CPA6: variants seen among roughly 807,000 people sequenced by gnomAD.
CPA6 encodes carboxypeptidase B.
In CPA6, 58 loss-of-function variants were observed where a neutral mutation model predicts 63.3. The ratio of observed to expected loss-of-function variants is 0.92; its 90% CI spans 0.74 to 1.14. The LOEUF is 1.14. Among genes scored for constraint, CPA6 ranks in the 50% most tolerant of loss-of-function variants. The probability of loss-of-function intolerance (pLI) is 0.00; values close to 1 mark genes in which losing one functional copy is unlikely to be tolerated. For missense variants in CPA6, 565 were observed against 526.6 expected (o/e 1.07, Z -0.71); for synonymous variants, 185 against 179.0 (o/e 1.03, Z -0.27).
At chr8:67,537,650 T>C (rs919665889) in intron 2 of CPA6, among the ~76,000 whole-genome samples, 2 of 152,328 alleles carry the variant, frequency 1.3e-5, no homozygotes, top group African/African-American at 4.8e-5. Flanking sequence ...CCTGGATTCA[T>C]TGATTTTTTG....
At chr8:67,424,388 G>C (rs1809839133) in intron 10 of CPA6, among the ~76,000 whole-genome samples, 1 of 152,134 alleles carries the variant, frequency 6.6e-6, no homozygotes, top group Admixed American at 6.5e-5. Context: ...TGCTGTAGAT[G>C]ATTGCCCCAT....
At position 67,713,095 on chromosome 8, in the gene CPA6, G is replaced by GTATATATA. The variant is rs755642095; in HGVS notation, c.116+32918_116+32919insTATATATA. ...TATCTGTGTGTGTATGTGTGTGTGT[G>GTATATATA]TGTGTATATATATATATATATATAT... On this transcript the variant is annotated intron_variant, in intron 1 of 10. Coordinates refer to ENST00000297770, the MANE Select transcript of CPA6 (RefSeq NM_020361.5). 7.5e-3 allele frequency among the ~76,000 whole-genome samples: 645 copies of GTATATATA among 86,076 alleles called. 13 individuals are homozygous for GTATATATA. The highest frequency in any genetic ancestry group is 9.9e-3 in the Non-Finnish European group (441 of 44,554). The allele number at this position is 86,076 out of a possible 152,430, so 56.5% of individuals were successfully genotyped here.
chr8:67,573,542 C>G (rs1421478846), intron 2 of CPA6, among the ~76,000 whole-genome samples: 1 of 151,724 alleles, frequency 6.6e-6, no homozygotes, highest in Non-Finnish European at 1.5e-5. Context: ...AAATGAAACA[C>G]TTAGAAATAA....
At chr8:67,680,984 T>C (rs930699075) in intron 1 of CPA6, among the ~76,000 whole-genome samples, 7 of 152,150 alleles carry the variant, frequency 4.6e-5, no homozygotes, top group Non-Finnish European at 8.8e-5. Flanking sequence ...AAGAGTTCTT[T>C]ATATATCCTG....
chr8:67,660,159 A>C (rs1816075180), intron 1 of CPA6, among the ~76,000 whole-genome samples: 2 of 152,250 alleles, frequency 1.3e-5, no homozygotes, highest in Non-Finnish European at 2.9e-5. Context: ...TTTTGGATTC[A>C]GAAAACCTAA....
At chr8:67,425,086 T>A (rs930690067) in intron 10 of CPA6, among the ~76,000 whole-genome samples, 3 of 152,196 alleles carry the variant, frequency 2.0e-5, no homozygotes, top group African/African-American at 7.2e-5. Context: ...AATAAAGTAA[T>A]AAATCACTGG....
chr8:67,590,025 G>A (rs1814068998), intron 2 of CPA6, among the ~76,000 whole-genome samples: 1 of 151,608 alleles, frequency 6.6e-6, no homozygotes, highest in African/African-American at 2.4e-5. Context: ...ATCTCCTAAT[G>A]CTATCCCTCC....
chr8:67,508,465 G>A (rs987460223), intron 5 of CPA6, among the ~76,000 whole-genome samples: 2 of 152,052 alleles, frequency 1.3e-5, no homozygotes, highest in African/African-American at 2.4e-5. Flanking sequence ...ACAGAGGTCT[G>A]GGATGACTAT....
intron 1 of CPA6, among the ~76,000 whole-genome samples, chr8:67,722,425 T>C (rs977356247): frequency 6.6e-6 from 1 of 151,680 alleles, no homozygotes; most frequent in Non-Finnish European, 1.5e-5. Flanking sequence ...GTAATTCTAA[T>C]AAAAAAAAAT....
intron 1 of CPA6, among the ~76,000 whole-genome samples, chr8:67,707,821 T>C (rs545703273): frequency 1.3e-5 from 2 of 152,074 alleles, no homozygotes; most frequent in South Asian, 4.2e-4. Flanking sequence ...AGCCGGAGAA[T>C]TGCTTGAACT....
intron 1 of CPA6, among the ~76,000 whole-genome samples, chr8:67,635,269 C>T (rs771293189): frequency 4.6e-5 from 7 of 150,696 alleles, no homozygotes; most frequent in Non-Finnish European, 7.3e-5. Context: ...AATTTGATTC[C>T]GAATACATTC....
At chr8:67,667,421 C>T (rs1816254552) in intron 1 of CPA6, among the ~76,000 whole-genome samples, 1 of 152,002 alleles carries the variant, frequency 6.6e-6, no homozygotes, top group East Asian at 1.9e-4. Flanking sequence ...AAAACCAGGG[C>T]CTGGATGTCC....
At chr8:67,652,699 C>T (rs1815877246) in intron 1 of CPA6, among the ~76,000 whole-genome samples, 1 of 151,062 alleles carries the variant, frequency 6.6e-6, no homozygotes, top group South Asian at 2.1e-4. Context: ...TGCCTGTTCA[C>T]TCTGATGGTA....
intron 1 of CPA6, among the ~76,000 whole-genome samples, chr8:67,739,273 G>C (rs1817869996): frequency 6.6e-6 from 1 of 152,204 alleles, no homozygotes; most frequent in African/African-American, 2.4e-5. Flanking sequence ...CCAACACACA[G>C]AACATACTGC....
chr8:67,615,122 G>A (rs1814911898), intron 2 of CPA6, among the ~76,000 whole-genome samples: 2 of 152,146 alleles, frequency 1.3e-5, no homozygotes, highest in Admixed American at 1.3e-4. Context: ...GTGGGGTCCA[G>A]GTTCCACACT....
intron 2 of CPA6, among the ~76,000 whole-genome samples, chr8:67,620,058 T>C (rs1435913607): frequency 6.6e-6 from 1 of 152,206 alleles, no homozygotes; most frequent in African/African-American, 2.4e-5. Flanking sequence ...CACTTGCTTG[T>C]GTTTGGAGGA....
intron 8 of CPA6, among the ~76,000 whole-genome samples, chr8:67,453,149 G>A (rs994526413): frequency 4.5e-4 from 68 of 152,106 alleles, no homozygotes; most frequent in Admixed American, 4.4e-3. Flanking sequence ...GGTAGCAGCT[G>A]TGAGAGTAGT....
Position 67,619,089 on chromosome 8 carries a change from C to T in CPA6, c.192+5087G>A, listed in dbSNP as rs192077373. Among the ~76,000 whole-genome samples, 8 of 152,268 alleles carry T rather than the reference C, an allele frequency of 5.3e-5. No homozygotes were observed. The East Asian group carries it at 7.7e-4, about 15-fold the overall frequency. ...GCTTTGACAGTCTCTTCTCAGATTC[C>T]GTTCAACATGCACATGCATTTTGCA... On this transcript the variant is annotated intron_variant, in intron 2 of 10. Transcript: ENST00000297770.
chr8:67,592,299 T>C (rs1198693033), intron 2 of CPA6, among the ~76,000 whole-genome samples: 1 of 152,276 alleles, frequency 6.6e-6, no homozygotes, highest in African/African-American at 2.4e-5. Context: ...CAGTATTTTA[T>C]TGAGGATTTT....
Sources: allele counts gnomAD v4.1 joint callset (sites outside exome capture counted in the v4.1 genomes callset), GRCh38; gene constraint gnomAD v4.1.1; transcripts MANE v1.5; gene names NCBI Gene and HGNC (gene_info 2026-07-23, HGNC 2026-07-21).